The following MTA3 variants were observed in gnomAD, a reference collection of about 807,000 sequenced individuals.
MTA3 encodes the protein metastasis associated 1 family member 3.
MTA3 carries 34 observed loss-of-function variants against 83.5 expected under a neutral mutation model. The observed-to-expected ratio is 0.41, with a 90% CI of 0.31 to 0.54. The LOEUF is 0.54. MTA3 is among the 20% of genes least tolerant of loss of function. The pLI, the probability that MTA3 is intolerant of heterozygous loss-of-function variation, is 0.33. For synonymous variants in MTA3, 303 were observed against 252.7 expected (o/e 1.20, Z -1.89); for missense variants, 761 against 726.4 (o/e 1.05, Z -0.55).
chr2:42,665,520 G>T (rs948421249), intron 8 of MTA3, among the ~76,000 whole-genome samples: 1 of 152,252 alleles, frequency 6.6e-6, no homozygotes, highest in Admixed American at 6.5e-5. Flanking sequence ...CAGTGAGTTA[G>T]TTGATGGAAG....
At chr2:42,652,643 G>C (rs116543687) in intron 6 of MTA3, among the ~76,000 whole-genome samples, 1 of 151,972 alleles carries the variant, frequency 6.6e-6, no homozygotes, top group Non-Finnish European at 1.5e-5. Context: ...ACTGCACCCT[G>C]GCCTTGCTTT....
intron 4 of MTA3, among the ~76,000 whole-genome samples, chr2:42,620,841 G>T (rs1427552457): frequency 6.6e-6 from 1 of 152,192 alleles, no homozygotes; most frequent in East Asian, 1.9e-4. Flanking sequence ...AGCTGAACTA[G>T]CTGCCTTTTT....
At position 42,594,525 on chromosome 2, in the gene MTA3, A is replaced by G. The variant is rs551274868; in HGVS notation, c.191-14933A>G. Among the ~76,000 whole-genome samples the G allele has an allele frequency of 6.6e-5, 10 of 150,552 alleles. No individual in the cohort carries two copies. The East Asian group carries it at 1.9e-3, about 29-fold the overall frequency. On this transcript the variant is annotated intron_variant, in intron 3 of 16. Transcript: ENST00000405094. ...AGTGCCGGGATTACAGGTGGGAGCCACTGCACCAGGCCTAGGATTAAATTT... is the reference window on the plus strand; with the variant it reads ...AGTGCCGGGATTACAGGTGGGAGCCGCTGCACCAGGCCTAGGATTAAATTT...
At chr2:42,556,647 A>G (rs1677405919) in intron 2 of MTA3, among the ~76,000 whole-genome samples, 1 of 152,176 alleles carries the variant, frequency 6.6e-6, no homozygotes. Context: ...TGGAGAAGTC[A>G]GTCTTGAGCC....
Position 42,551,068 on chromosome 2 carries a change from TAAA to T in MTA3, c.-140-19368_-140-19366del, listed in dbSNP as rs200040325. Among the ~76,000 whole-genome samples, 658 of 150,924 alleles carry T rather than the reference TAAA, an allele frequency of 4.4e-3. 5 individuals are homozygous for T. Among genetic ancestry groups the T allele is most frequent in the African/African-American group, 0.015 (627 of 41,136 alleles). On this transcript the variant is annotated intron_variant, in intron 2 of 17. Transcript: ENST00000405592. ...CTGACTAAATAAATAAATAAATAAA[TAAA>T]TAAATAAATAAATAAATTAAAATTT...
intron 14 of MTA3, among the ~76,000 whole-genome samples, chr2:42,718,278 G>A (rs1358955968): frequency 2.6e-5 from 4 of 151,632 alleles, no homozygotes; most frequent in Non-Finnish European, 5.9e-5. Flanking sequence ...ATGGAGTTTC[G>A]CTCTTGTTGC....
intron 2 of MTA3, among the ~76,000 whole-genome samples, chr2:42,540,834 C>CA (rs111470436): frequency 1.0e-3 from 136 of 133,054 alleles, no homozygotes; most frequent in Admixed American, 3.3e-3. Context: ...GACCCTGTCT[C>CA]AAAAAAAAAA....
intron 3 of MTA3, among the ~76,000 whole-genome samples, chr2:42,586,613 C>T (rs1024174488): frequency 3.4e-5 from 5 of 146,504 alleles, no homozygotes; most frequent in African/African-American, 1.3e-4. Flanking sequence ...CACACACACA[C>T]ACATCGTTGG....
chr2:42,495,552 G>A (rs957089020), intron 2 of MTA3, among the ~76,000 whole-genome samples: 2 of 152,146 alleles, frequency 1.3e-5, no homozygotes, highest in Non-Finnish European at 2.9e-5. Flanking sequence ...GACAGAATTG[G>A]AGGTGCTGAT....
chr2:42,608,696 A>G (rs1683805400), intron 3 of MTA3, among the ~76,000 whole-genome samples: 1 of 152,282 alleles, frequency 6.6e-6, no homozygotes, highest in East Asian at 1.9e-4. Flanking sequence ...CAGCCTGGGC[A>G]ACATGGTGTA....
intron 16 of MTA3, among the ~76,000 whole-genome samples, chr2:42,739,085 C>T (rs954026391): frequency 5.3e-5 from 8 of 152,164 alleles, no homozygotes; most frequent in African/African-American, 1.4e-4. Flanking sequence ...ATGTCTGTCA[C>T]CCACACCTAT....
intron 10 of MTA3, among the ~76,000 whole-genome samples, chr2:42,696,620 AGTGAGCTGG>A (rs1693412268): frequency 6.6e-6 from 1 of 152,214 alleles, no homozygotes; most frequent in Non-Finnish European, 1.5e-5. Context: ...AAAGTATCAT[AGTGAGCTGG>A]GTATGGTGGT....
chr2:42,667,690 A>C (rs1050720143), intron 8 of MTA3, among the ~76,000 whole-genome samples: 25 of 150,214 alleles, frequency 1.7e-4, no homozygotes, highest in African/African-American at 5.6e-4. Flanking sequence ...CCTGGAATGC[A>C]GTGGCGTGAT....
At chr2:42,567,501 A>G (rs1677969658), upstream of MTA3, among the ~76,000 whole-genome samples, 1 of 152,138 alleles carries the variant, frequency 6.6e-6, no homozygotes, top group Non-Finnish European at 1.5e-5. Context: ...GTGTATCACC[A>G]CACATTCCAA....
intron 4 of MTA3, among the ~76,000 whole-genome samples, chr2:42,623,514 A>G (rs1354777808): frequency 6.6e-6 from 1 of 152,128 alleles, no homozygotes; most frequent in African/African-American, 2.4e-5. Flanking sequence ...TTGGGAATCC[A>G]GCACAACAGG....
chr2:42,718,524 G>A (rs13393664), intron 14 of MTA3, among the ~76,000 whole-genome samples: 93,710 of 151,380 alleles, frequency 0.62, 29,437 homozygotes, highest in South Asian at 0.79. Context: ...GGGATTACAG[G>A]CATGAGCAGG....
intron 4 of MTA3, among the ~76,000 whole-genome samples, chr2:42,611,247 T>G (rs1684174385): frequency 6.6e-6 from 1 of 151,888 alleles, no homozygotes; most frequent in Non-Finnish European, 1.5e-5. Context: ...CCTTCCAAAG[T>G]GCTGGGATTA....
At chr2:42,731,240 A>C (rs1668208202) in intron 16 of MTA3, among the ~76,000 whole-genome samples, 1 of 151,382 alleles carries the variant, frequency 6.6e-6, no homozygotes, top group African/African-American at 2.4e-5. Flanking sequence ...TTCTTTTACT[A>C]TTTTGGATTT....
intron 2 of MTA3, among the ~76,000 whole-genome samples, chr2:42,555,455 C>CAAAAAAAA (rs146740409): frequency 5.5e-5 from 3 of 54,342 alleles, no homozygotes; most frequent in African/African-American, 8.3e-5. Context: ...AACTCCATCT[C>CAAAAAAAA]AAAAAAAAAA....
Sources: allele counts gnomAD v4.1 joint callset (sites outside exome capture counted in the v4.1 genomes callset), GRCh38; gene constraint gnomAD v4.1.1; transcripts MANE v1.5; gene names NCBI Gene and HGNC (gene_info 2026-07-23, HGNC 2026-07-21).